LDB2: variants seen among roughly 807,000 people sequenced by gnomAD.
The protein encoded by LDB2 is LIM domain-binding protein 2.
LDB2 carries 12 observed loss-of-function variants against 44.3 expected under a neutral mutation model. That is an observed-to-expected ratio of 0.27 (90% confidence interval 0.17 to 0.44). LDB2 has a LOEUF of 0.44. Ranked by LOEUF, LDB2 falls within the 20% of genes least tolerant of loss-of-function variation. The probability of loss-of-function intolerance (pLI) is 1.00; values close to 1 mark genes in which losing one functional copy is unlikely to be tolerated. For missense variants in LDB2, 344 were observed against 473.5 expected (o/e 0.73, Z 2.54); for synonymous variants, 164 against 174.8 (o/e 0.94, Z 0.49).
intron 2 of LDB2, among the ~76,000 whole-genome samples, chr4:16,730,303 G>C (rs967921536): frequency 6.6e-6 from 1 of 152,050 alleles, no homozygotes; most frequent in Non-Finnish European, 1.5e-5. Context: ...CAGGAATTTT[G>C]CTTCACGGTC....
At chr4:16,508,786 G>A in intron 6 of LDB2, 100 bp from the exon 7 acceptor site, 2 of 1,139,282 alleles carry the variant, frequency 1.8e-6, no homozygotes, top group Non-Finnish European at 2.4e-6. Flanking sequence ...GTAAACTGAA[G>A]AGTAGACTAT....
Position 16,585,909 on chromosome 4 carries a change from C to A in LDB2, c.615+13G>T. On this transcript the variant is annotated intron_variant, in intron 5 of 7. Coordinates refer to ENST00000304523, the MANE Select transcript of LDB2 (RefSeq NM_001290.5). ...AAACTCACCAAAAAATAAAATCATT[C>A]GATTGATCTTACCCTGAGGTAGTTG... 6.2e-7 allele frequency: 1 copy of A among 1,603,148 alleles called. No individual in the cohort carries two copies. Among genetic ancestry groups the A allele is most frequent in the Non-Finnish European group, 8.5e-7 (1 of 1,170,368 alleles).
intron 2 of LDB2, among the ~76,000 whole-genome samples, chr4:16,722,649 C>T (rs1758534541): frequency 2.0e-5 from 3 of 152,294 alleles, no homozygotes; most frequent in Non-Finnish European, 4.4e-5. Context: ...ACTCACCATA[C>T]TGTCTTTATC....
chr4:16,828,498 T>G (rs960314133), intron 1 of LDB2, among the ~76,000 whole-genome samples: 3 of 152,222 alleles, frequency 2.0e-5, no homozygotes, highest in Non-Finnish European at 4.4e-5. Flanking sequence ...TGTGTGATTG[T>G]GTGTCTGTGT....
intron 5 of LDB2, among the ~76,000 whole-genome samples, chr4:16,553,479 T>C (rs987349582): frequency 2.0e-5 from 3 of 152,170 alleles, no homozygotes; most frequent in African/African-American, 4.8e-5. Flanking sequence ...AGGATATTTT[T>C]ATTGTCTCCA....
At chr4:16,505,876 C>T (rs1201282761) in intron 7 of LDB2, 4 of 1,551,152 alleles carry the variant, frequency 2.6e-6, no homozygotes, top group African/African-American at 2.7e-5. Context: ...TTTCAGGGCC[C>T]CTCAATGCTT....
chr4:16,695,025 C>T (rs1560908277), intron 2 of LDB2, among the ~76,000 whole-genome samples: 1 of 152,058 alleles, frequency 6.6e-6, no homozygotes. Context: ...CTCATCCTGC[C>T]TATTGTTTCG....
intron 6 of LDB2, 106 bp from the exon 7 acceptor site, chr4:16,508,792 A>G (rs1317623601): frequency 1.9e-6 from 2 of 1,075,480 alleles, no homozygotes; most frequent in East Asian, 5.2e-5. Flanking sequence ...TGAAGAGTAG[A>G]CTATTTAAAC....
chr4:16,758,191 T>C (rs377372305), intron 2 of LDB2, among the ~76,000 whole-genome samples: 10 of 152,312 alleles, frequency 6.6e-5, no homozygotes, highest in East Asian at 3.9e-4. Context: ...CAATTTTTTG[T>C]TTAATTGTTG....
intron 2 of LDB2, among the ~76,000 whole-genome samples, chr4:16,660,573 G>A (rs1183896145): frequency 6.6e-6 from 1 of 152,124 alleles, no homozygotes; most frequent in African/African-American, 2.4e-5. Context: ...AGCATTTACT[G>A]TGCGCCTACT....
At chr4:16,538,801 AT>A (rs1732739270) in intron 5 of LDB2, among the ~76,000 whole-genome samples, 1 of 152,330 alleles carries the variant, frequency 6.6e-6, no homozygotes, top group Non-Finnish European at 1.5e-5. Flanking sequence ...GTTTGGCACT[AT>A]TATTAAGTAG....
At chr4:16,712,443 T>C (rs1483035904) in intron 2 of LDB2, among the ~76,000 whole-genome samples, 1 of 152,026 alleles carries the variant, frequency 6.6e-6, no homozygotes. Flanking sequence ...TCCCGGCTAC[T>C]TGGGAGGCTG....
At chr4:16,799,836 A>G (rs1777432184) in intron 1 of LDB2, among the ~76,000 whole-genome samples, 1 of 152,222 alleles carries the variant, frequency 6.6e-6, no homozygotes, top group Non-Finnish European at 1.5e-5. Context: ...CAGTATAAGT[A>G]TGTCCGATGC....
intron 2 of LDB2, among the ~76,000 whole-genome samples, chr4:16,667,629 C>G (rs1016358430): frequency 6.6e-6 from 1 of 152,208 alleles, no homozygotes; most frequent in Admixed American, 6.5e-5. Flanking sequence ...CAATTTCGCT[C>G]ATCTGCAAGG....
chr4:16,867,250 G>T (rs1715029289), intron 1 of LDB2, among the ~76,000 whole-genome samples: 1 of 152,172 alleles, frequency 6.6e-6, no homozygotes, highest in Non-Finnish European at 1.5e-5. Flanking sequence ...AACCTGCGGA[G>T]CCCTGCCCAG....
chr4:16,776,992 C>A (rs1325594451), intron 1 of LDB2, among the ~76,000 whole-genome samples: 2 of 152,192 alleles, frequency 1.3e-5, no homozygotes, highest in African/African-American at 2.4e-5. Context: ...TCAGTTGTGA[C>A]AACCAAAAAT....
In LDB2 at chr4:16,774,153, C is replaced by CAA. The variant is rs35866468; in HGVS notation, c.133-14895_133-14894dup. Reference sequence around the variant, plus strand: ...CTGGCAACAGAGTGAGACTCCGTCTCAAAAAAAAAAAAAAAAAAAAAAAAG... The same window carrying CAA: ...CTGGCAACAGAGTGAGACTCCGTCTCAAAAAAAAAAAAAAAAAAAAAAAAAAG... On this transcript the variant is annotated intron_variant, in intron 1 of 7. Transcript: ENST00000304523. 2.3e-3 allele frequency among the ~76,000 whole-genome samples: 128 copies of CAA among 55,952 alleles called. 1 individual carries two copies. Among genetic ancestry groups the CAA allele is most frequent in the Middle Eastern group, 0.012 (1 of 84 alleles). 36.7% of individuals were successfully genotyped at this position (55,952 alleles called of 152,430 possible).
chr4:16,563,706 C>G (rs1444840061), intron 5 of LDB2, among the ~76,000 whole-genome samples: 1 of 151,528 alleles, frequency 6.6e-6, no homozygotes, highest in Admixed American at 6.6e-5. Flanking sequence ...GATCTGCCCG[C>G]CTCGGCCTCC....
intron 1 of LDB2, among the ~76,000 whole-genome samples, chr4:16,777,845 G>A (rs1256763795): frequency 6.6e-6 from 1 of 152,182 alleles, no homozygotes; most frequent in Non-Finnish European, 1.5e-5. Flanking sequence ...TGTTAGTCTT[G>A]ATTCATAGCA....
Sources: gnomAD v4.1 joint callset for allele counts (sites outside exome capture counted in the v4.1 genomes callset) on GRCh38, gnomAD v4.1.1 for gene constraint, MANE v1.5 for transcripts, NCBI Gene and HGNC (gene_info 2026-07-23, HGNC 2026-07-21) for gene names.